STAB2: variants seen among roughly 807,000 people sequenced by gnomAD.
STAB2 encodes stabilin 2.
In STAB2, 288 loss-of-function variants were observed where a neutral mutation model predicts 338.1. That is an observed-to-expected ratio of 0.85 (90% CI 0.77 to 0.94). The LOEUF (loss-of-function observed/expected upper bound fraction) is 0.94, where lower values mean the gene tolerates loss of function less well. Ranked by LOEUF, STAB2 falls within the 40% of genes least tolerant of loss-of-function variation. STAB2 has a pLI of 0.00. For synonymous variants in STAB2, 1,202 were observed against 1,193.3 expected, an observed-to-expected ratio of 1.01 and a Z score of -0.15; for missense variants, 3,141 against 3,210.1, an observed-to-expected ratio of 0.98 and a Z score of 0.52.
chr12:103,743,797 T>C (rs1882781254), intron 56 of STAB2, among the ~76,000 whole-genome samples: 1 of 152,050 alleles, frequency 6.6e-6, no homozygotes, highest in Admixed American at 6.6e-5. Flanking sequence ...CAGCTTGGTG[T>C]GTACAGAACA....
Position 103,742,457 on chromosome 12 carries a change from T to C in STAB2, c.5934T>C (p.Asp1978=), listed in dbSNP as rs1882659653. Residue 1978 remains aspartate, a synonymous_variant, in exon 56 of 69, where the codon GAT becomes GAC. Transcript: ENST00000388887. The part of the protein sequence containing the change: ...APCNNRGVCL[D]QYSATGECKC... ...GTAATAACCGGGGTGTCTGCCTTGA[T>C]CAGTACTCGGCCACCGGAGAGTGTA... The C allele has an allele frequency of 1.9e-6, 3 of 1,614,086 alleles. No homozygotes were observed. Among genetic ancestry groups the C allele is most frequent in the Middle Eastern group, 1.6e-4 (1 of 6,062 alleles).
At chr12:103,755,514 A>G (rs760570384) in intron 62 of STAB2, 47 bp downstream of exon 62, 26 of 1,609,328 alleles carry the variant, frequency 1.6e-5, no homozygotes, top group Non-Finnish European at 2.0e-5. Context: ...ACAGCTGCTG[A>G]GCAATCCTCA....
At chr12:103,650,446 C>T in intron 10 of STAB2, 50 bp from the exon 11 acceptor site, 1 of 1,543,244 alleles carries the variant, frequency 6.5e-7, no homozygotes, top group Non-Finnish European at 8.9e-7. Context: ...TCCTCCTGTA[C>T]CACTGACTCA....
chr12:103,654,623 T>C lies in STAB2; in HGVS notation c.1476T>C (p.Ile492=). Residue 492 remains isoleucine (I), a synonymous_variant, in exon 13 of 69, where the codon ATT becomes ATC. Coordinates refer to ENST00000388887, the MANE Select transcript of STAB2 (RefSeq NM_017564.10). ...KKVKIIQGDI[I]ASNGLLHILD... is the part of the protein sequence containing the mutation. ...TAAAAATTATACAAGGGGACATCATTGCTTCCAATGGGCTTCTGCACATCC... is the reference window on the plus strand; with the variant it reads ...TAAAAATTATACAAGGGGACATCATCGCTTCCAATGGGCTTCTGCACATCC... 6.2e-7 allele frequency: 1 copy of C among 1,614,220 alleles called. No individual in the cohort carries two copies. The highest frequency in any genetic ancestry group is 8.5e-7 in the Non-Finnish European group (1 of 1,180,022).
At chr12:103,735,443 T>TC in intron 51 of STAB2, 48 bp from the exon 52 acceptor site, 4 of 1,458,986 alleles carry the variant, frequency 2.7e-6, no homozygotes, top group Non-Finnish European at 2.8e-6. Flanking sequence ...GGCCGTCCCT[T>TC]CTTCGGCCCA....
intron 1 of STAB2, among the ~76,000 whole-genome samples, chr12:103,588,035 TA>T (rs1956739488): frequency 6.6e-6 from 1 of 152,114 alleles, no homozygotes; most frequent in Non-Finnish European, 1.5e-5. Flanking sequence ...AGAGCTGTAG[TA>T]AAAGTTCCCA....
intron 30 of STAB2, among the ~76,000 whole-genome samples, chr12:103,691,361 T>A (rs1877921544): frequency 6.6e-6 from 1 of 152,248 alleles, no homozygotes; most frequent in Non-Finnish European, 1.5e-5. Context: ...GATCTATGCG[T>A]AGTAATACCT....
In STAB2 at chr12:103,594,323, A is replaced by G; in HGVS notation, c.216-72A>G. ...AATATTAAGACCTAAATTGAAAGCTAAGGCAATTCTACCACCTAGAGTAAC... is the reference window on the plus strand; with the variant it reads ...AATATTAAGACCTAAATTGAAAGCTGAGGCAATTCTACCACCTAGAGTAAC... On this transcript the variant is annotated intron_variant, in intron 2 of 68. Transcript: ENST00000388887. 9.6e-6 allele frequency: 11 copies of G among 1,148,554 alleles called. No individual in the cohort carries two copies. In the South Asian group the frequency reaches 1.4e-4, roughly 14 times the overall value. The allele number at this position is 1,148,554 out of a possible 1,614,324, so 71.1% of individuals were successfully genotyped here. A position where few individuals can be genotyped will look rare whatever the true frequency, so the allele number is the denominator to read the frequency against.
intron 3 of STAB2, among the ~76,000 whole-genome samples, chr12:103,618,348 G>A (rs947749375): frequency 1.3e-5 from 2 of 152,100 alleles, no homozygotes; most frequent in Non-Finnish European, 2.9e-5. Context: ...CAGAAAACAG[G>A]CCCTCACCAG....
At position 103,637,099 on chromosome 12, in the gene STAB2, T is replaced by C. The variant is rs1188877423; in HGVS notation, c.584-12T>C. On this transcript the variant is annotated splice_polypyrimidine_tract_variant and intron_variant, in intron 6 of 68. Coordinates refer to ENST00000388887, the MANE Select transcript of STAB2 (RefSeq NM_017564.10). ...CTACTAATGCAAGTACTTCAACAAT[T>C]TTCCTATGCAGCCATCCCTGAATGT... The C allele has an allele frequency of 1.3e-6, 2 of 1,591,164 alleles. No homozygotes were observed. Among genetic ancestry groups the C allele is most frequent in the South Asian group, 1.2e-5 (1 of 86,502 alleles).
At chr12:103,605,570 TCTCTA>T (rs1200736773) in intron 3 of STAB2, among the ~76,000 whole-genome samples, 3 of 151,996 alleles carry the variant, frequency 2.0e-5, no homozygotes, top group African/African-American at 7.2e-5. Context: ...GGTACTGAAA[TCTCTA>T]CTCTAACTGT....
At chr12:103,643,597 T>C (rs149750221) in intron 9 of STAB2, among the ~76,000 whole-genome samples, 1 of 152,232 alleles carries the variant, frequency 6.6e-6, no homozygotes, top group Non-Finnish European at 1.5e-5. Context: ...GATAAGGATG[T>C]AGCACAGTGG....
intron 6 of STAB2, among the ~76,000 whole-genome samples, chr12:103,634,833 C>G (rs1434112786): frequency 2.6e-5 from 4 of 152,214 alleles, no homozygotes; most frequent in Non-Finnish European, 5.9e-5. Context: ...CCTGCCATCA[C>G]AGATGGGAAA....
At chr12:103,655,422 G>A in intron 14 of STAB2, 34 bp from the exon 15 acceptor site, 1 of 1,612,708 alleles carries the variant, frequency 6.2e-7, no homozygotes, top group Non-Finnish European at 8.5e-7. Context: ...TCCAAGGTAG[G>A]CTGCAGATAC....
chr12:103,733,359 T>A (rs1881795295), intron 51 of STAB2, among the ~76,000 whole-genome samples, 177 bp downstream of exon 51: 1 of 152,158 alleles, frequency 6.6e-6, no homozygotes, highest in African/African-American at 2.4e-5. Context: ...GTTGATTGGC[T>A]CCTGCAGTAT....
chr12:103,590,240 A>G (rs1482350427), intron 1 of STAB2, among the ~76,000 whole-genome samples: 1 of 152,196 alleles, frequency 6.6e-6, no homozygotes, highest in East Asian at 1.9e-4. Context: ...GATTTCCCCA[A>G]TTCATTTGTT....
chr12:103,721,724 T>C (rs2139042200), intron 44 of STAB2, among the ~76,000 whole-genome samples: 1 of 152,330 alleles, frequency 6.6e-6, no homozygotes, highest in African/African-American at 2.4e-5. Flanking sequence ...ACATAGTGGC[T>C]CATGCCTATA....
chr12:103,687,660 T>C (rs1877554102), intron 27 of STAB2, among the ~76,000 whole-genome samples: 1 of 152,196 alleles, frequency 6.6e-6, no homozygotes, highest in African/African-American at 2.4e-5. Context: ...GAGTTGGAGC[T>C]TTTATTATGC....
intron 3 of STAB2, among the ~76,000 whole-genome samples, chr12:103,597,564 G>A (rs143698459): frequency 1.3e-5 from 2 of 152,144 alleles, no homozygotes; most frequent in Non-Finnish European, 2.9e-5. Flanking sequence ...ATTCTCACTT[G>A]GGGAAAAAAA....
Sources: allele counts gnomAD v4.1 joint callset (sites outside exome capture counted in the v4.1 genomes callset), GRCh38; gene constraint gnomAD v4.1.1; transcripts MANE v1.5; gene names NCBI Gene and HGNC (gene_info 2026-07-23, HGNC 2026-07-21).